PRKACB: variants seen among roughly 807,000 people sequenced by gnomAD.
The protein encoded by PRKACB is protein kinase cAMP-activated catalytic subunit beta, also known as cAMP-dependent protein kinase catalytic subunit beta.
PRKACB carries 16 observed loss-of-function variants against 51.4 expected under a neutral mutation model. The ratio of observed to expected loss-of-function variants is 0.31; its 90% confidence interval spans 0.21 to 0.47. The LOEUF is 0.47. Ranked by LOEUF, PRKACB falls within the 20% of genes least tolerant of loss-of-function variation. The probability of loss-of-function intolerance (pLI) is 1.00; values close to 1 mark genes in which losing one functional copy is unlikely to be tolerated. For missense variants in PRKACB, 309 were observed against 464.5 expected (o/e 0.67, Z 3.08); for synonymous variants, 147 against 154.4 (o/e 0.95, Z 0.35).
At chr1:84,107,931 A>G (rs1204865168) in intron 1 of PRKACB, among the ~76,000 whole-genome samples, 3 of 152,122 alleles carry the variant, frequency 2.0e-5, no homozygotes, top group Admixed American at 1.3e-4. Flanking sequence ...AAATTCCTCA[A>G]AGATCTAAAA....
At chr1:84,126,633 G>A (rs1651639666) in intron 1 of PRKACB, among the ~76,000 whole-genome samples, 1 of 152,140 alleles carries the variant, frequency 6.6e-6, no homozygotes, top group Non-Finnish European at 1.5e-5. Flanking sequence ...ACTTTGGACT[G>A]CAGGTCCAGG....
chr1:84,160,592 A>G (rs928102087), intron 1 of PRKACB, among the ~76,000 whole-genome samples: 2 of 148,236 alleles, frequency 1.3e-5, no homozygotes, highest in African/African-American at 4.9e-5. Flanking sequence ...AATATATACA[A>G]AGCTTAAGTT....
At chr1:84,134,398 A>G (rs1652580929) in intron 1 of PRKACB, among the ~76,000 whole-genome samples, 1 of 152,192 alleles carries the variant, frequency 6.6e-6, no homozygotes. Context: ...TGTTCCTACC[A>G]ATAATACCAT....
intron 1 of PRKACB, among the ~76,000 whole-genome samples, chr1:84,148,984 A>G (rs866153916): frequency 6.6e-6 from 1 of 152,142 alleles, no homozygotes; most frequent in Admixed American, 6.5e-5. Flanking sequence ...GTTAGGAGGA[A>G]GAATCCCAGG....
chr1:84,084,258 CAT>C (rs1448998976), intron 1 of PRKACB, among the ~76,000 whole-genome samples: 2 of 152,010 alleles, frequency 1.3e-5, no homozygotes, highest in African/African-American at 2.4e-5. Flanking sequence ...AACCATGTAA[CAT>C]ATTCAGGATA....
chr1:84,207,001 C>G (rs1671434986), intron 8 of PRKACB, among the ~76,000 whole-genome samples: 1 of 152,138 alleles, frequency 6.6e-6, no homozygotes, highest in South Asian at 2.1e-4. Context: ...GGGGAAATTA[C>G]AATGTCATTT....
At chr1:84,190,487 A>C (rs1666436824) in intron 5 of PRKACB, among the ~76,000 whole-genome samples, 1 of 152,004 alleles carries the variant, frequency 6.6e-6, no homozygotes, top group African/African-American at 2.4e-5. Context: ...TGTTTACCTA[A>C]ATAAGAACTT....
At chr1:84,182,535 G>A (rs147536241) in intron 3 of PRKACB, among the ~76,000 whole-genome samples, 244 of 151,794 alleles carry the variant, frequency 1.6e-3, no homozygotes, top group African/African-American at 5.3e-3. Context: ...TGGGTTCCAC[G>A]TCCATGGATT....
chr1:84,209,008 A>G (rs2101535725), intron 8 of PRKACB, among the ~76,000 whole-genome samples: 1 of 152,332 alleles, frequency 6.6e-6, no homozygotes. Flanking sequence ...ATGTAGGTAA[A>G]TCAAAACTCA....
At chr1:84,176,644 A>G (rs533726255) in intron 1 of PRKACB, among the ~76,000 whole-genome samples, 1 of 151,806 alleles carries the variant, frequency 6.6e-6, no homozygotes, top group Non-Finnish European at 1.5e-5. Context: ...TCATAGAACT[A>G]TTTAATAACA....
chr1:84,204,376 A>G, intron 8 of PRKACB: 2 of 812,586 alleles, frequency 2.5e-6, no homozygotes, highest in South Asian at 1.8e-5. Context: ...AGAAAAGCAG[A>G]ATGCAGTACT....
At chr1:84,131,443 C>T (rs1320493436) in intron 1 of PRKACB, among the ~76,000 whole-genome samples, 1 of 151,754 alleles carries the variant, frequency 6.6e-6, no homozygotes, top group Non-Finnish European at 1.5e-5. Context: ...AGCAACTCTG[C>T]AAATTTGCAG....
chr1:84,091,857 C>A (rs567519137), intron 1 of PRKACB, among the ~76,000 whole-genome samples: 16 of 152,222 alleles, frequency 1.1e-4, no homozygotes, highest in African/African-American at 3.9e-4. Flanking sequence ...TTAATGACTT[C>A]TTATCTTTAA....
chr1:84,176,132 A>G (rs1304134959), intron 1 of PRKACB, among the ~76,000 whole-genome samples: 1 of 151,818 alleles, frequency 6.6e-6, no homozygotes, highest in Non-Finnish European at 1.5e-5. Flanking sequence ...CCATCATAAT[A>G]ATTTAAGTGG....
chr1:84,177,315 T>C (rs970168468), intron 1 of PRKACB, among the ~76,000 whole-genome samples: 43 of 152,254 alleles, frequency 2.8e-4, no homozygotes, highest in African/African-American at 1.0e-3. Flanking sequence ...TCCAAGTGAA[T>C]GCCATGTGCA....
intron 1 of PRKACB, chr1:84,175,033 C>A: frequency 6.8e-7 from 1 of 1,470,428 alleles, no homozygotes; most frequent in Admixed American, 2.5e-5. Flanking sequence ...TGGACACAAG[C>A]TTGCTCCTCT....
intron 1 of PRKACB, among the ~76,000 whole-genome samples, chr1:84,173,626 C>A (rs1402458190): frequency 6.6e-6 from 1 of 151,690 alleles, no homozygotes; most frequent in African/African-American, 2.4e-5. Context: ...GATTTTTCTG[C>A]TGTTATTTAA....
intron 1 of PRKACB, among the ~76,000 whole-genome samples, chr1:84,089,827 A>G (rs762070329): frequency 1.3e-4 from 20 of 152,106 alleles, no homozygotes; most frequent in Non-Finnish European, 2.6e-4. Context: ...TGCTTTTTAA[A>G]TATTCCCATT....
intron 1 of PRKACB, among the ~76,000 whole-genome samples, chr1:84,131,382 A>T (rs1488820479): frequency 6.6e-6 from 1 of 151,842 alleles, no homozygotes; most frequent in Non-Finnish European, 1.5e-5. Context: ...ACTTTGAAAA[A>T]TGAAGTACAT....
Sources: allele counts gnomAD v4.1 joint callset (sites outside exome capture counted in the v4.1 genomes callset), GRCh38; gene constraint gnomAD v4.1.1; transcripts MANE v1.5; gene names NCBI Gene and HGNC (gene_info 2026-07-23, HGNC 2026-07-21).